ELP2: variants seen among roughly 807,000 people sequenced by gnomAD.
The protein encoded by ELP2 is elongator complex protein 2.
A neutral mutation model predicts 119.2 loss-of-function variants in ELP2; 90 were observed. That is an observed-to-expected ratio of 0.75 (90% CI 0.64 to 0.90). ELP2 has a LOEUF of 0.90. ELP2 is among the 40% of genes least tolerant of loss of function. The probability of loss-of-function intolerance (pLI) is 0.00; values close to 1 mark genes in which losing one functional copy is unlikely to be tolerated. For synonymous variants in ELP2, 339 were observed against 331.0 expected (o/e 1.02, Z -0.26); for missense variants, 921 against 967.8 (o/e 0.95, Z 0.64).
In ELP2 at chr18:36,129,921, A is replaced by G. The variant is rs751384795; in HGVS notation, c.-13A>G. Reference sequence around the variant, plus strand: ...TGCGCGTCTCTTGTTTGTGCGGCTGACCAGTTGGCGACATGGTGGCACCCG... The same window carrying G: ...TGCGCGTCTCTTGTTTGTGCGGCTGGCCAGTTGGCGACATGGTGGCACCCG... On this transcript the variant is annotated 5_prime_UTR_variant, in exon 1 of 22. Coordinates refer to ENST00000358232, the MANE Select transcript of ELP2 (RefSeq NM_018255.4). 83 of 1,614,022 alleles carry G rather than the reference A, an allele frequency of 5.1e-5. No individual in the cohort carries two copies. Among genetic ancestry groups the G allele is most frequent in the Non-Finnish European group, 6.9e-5 (82 of 1,180,036 alleles).
Position 36,177,539 on chromosome 18 carries a change from C to T in ELP2, c.*2898C>T, listed in dbSNP as rs766431188. On this transcript the variant is annotated 3_prime_UTR_variant, in exon 22 of 22. Coordinates refer to ENST00000358232, the MANE Select transcript of ELP2 (RefSeq NM_018255.4). ...GAGTTGTTTAATGGGTATAGTGTTT[C>T]AGTTTTGCAAGATAAAAAGTCCTGT... is the stretch of plus-strand genomic sequence containing the variant. 3 of 152,144 alleles carry T rather than the reference C, an allele frequency of 2.0e-5. No individual in the cohort carries two copies. The highest frequency in any genetic ancestry group is 2.9e-5 in the Non-Finnish European group (2 of 68,046). 9.4% of individuals were successfully genotyped at this position (152,144 alleles called of 1,614,324 possible). A position where few individuals can be genotyped will look rare whatever the true frequency, so the allele number is the denominator to read the frequency against.
In ELP2 at chr18:36,177,032, A is replaced by C. The variant is rs2091239281; in HGVS notation, c.*2391A>C. ...TTACTCATTGCTACGGCAGTTCAAA[A>C]TGACTTGGAAAAAAACAATGAACGC... On this transcript the variant is annotated 3_prime_UTR_variant, in exon 22 of 22. Transcript: ENST00000358232. 1.3e-5 allele frequency: 2 copies of C among 152,302 alleles called. No homozygotes were observed. The highest frequency in any genetic ancestry group is 3.9e-4 in the East Asian group (2 of 5,180). 9.4% of individuals were successfully genotyped at this position (152,302 alleles called of 1,614,324 possible). A position where few individuals can be genotyped will look rare whatever the true frequency, so the allele number is the denominator to read the frequency against.
At position 36,155,104 on chromosome 18, in the gene ELP2, C is replaced by T. The variant is rs1300139518; in HGVS notation, c.1275+105C>T. On this transcript the variant is annotated intron_variant, in intron 12 of 21. Coordinates refer to ENST00000358232, the MANE Select transcript of ELP2 (RefSeq NM_018255.4). ...CTCAGCTCACTGCAGCCTCCGCCACCCAGGTTCAAGCGATTCTCCTGTCTC... is the reference window on the plus strand; with the variant it reads ...CTCAGCTCACTGCAGCCTCCGCCACTCAGGTTCAAGCGATTCTCCTGTCTC... 7 of 957,698 alleles carry T rather than the reference C, an allele frequency of 7.3e-6. No individual in the cohort carries two copies. The Admixed American group carries it at 1.1e-4, about 16-fold the overall frequency. 59.3% of individuals were successfully genotyped at this position (957,698 alleles called of 1,614,324 possible). A position where few individuals can be genotyped will look rare whatever the true frequency, so the allele number is the denominator to read the frequency against.
At chr18:36,134,244 A>G (rs2089747700) in intron 2 of ELP2, among the ~76,000 whole-genome samples, 1 of 152,112 alleles carries the variant, frequency 6.6e-6, no homozygotes, top group East Asian at 1.9e-4. Flanking sequence ...GGTTTGTAAG[A>G]CCTATGAGAT....
At chr18:36,166,282 C>T (rs977848402) in intron 18 of ELP2, among the ~76,000 whole-genome samples, 9 of 150,316 alleles carry the variant, frequency 6.0e-5, no homozygotes, top group Non-Finnish European at 1.3e-4. Context: ...CTCTTATTCC[C>T]TCCTCATAAA....
chr18:36,139,083 T>G (rs922528079), intron 5 of ELP2, among the ~76,000 whole-genome samples: 1 of 152,176 alleles, frequency 6.6e-6, no homozygotes, highest in Non-Finnish European at 1.5e-5. Context: ...TGATAGCCAT[T>G]GATAATTTAA....
intron 18 of ELP2, among the ~76,000 whole-genome samples, chr18:36,166,102 A>T (rs530165167): frequency 1.6e-4 from 25 of 151,972 alleles, no homozygotes; most frequent in Middle Eastern, 3.4e-3. Flanking sequence ...CTGAGACAGG[A>T]GGATTGCATG....
intron 16 of ELP2, 84 bp downstream of exon 16, chr18:36,160,099 CT>C: frequency 1.6e-6 from 2 of 1,278,956 alleles, no homozygotes; most frequent in Admixed American, 1.7e-5. Flanking sequence ...CTGATGTCTC[CT>C]TTTTCTTCCT....
At chr18:36,144,508 T>C (rs1362621305) in intron 8 of ELP2, among the ~76,000 whole-genome samples, 1 of 152,126 alleles carries the variant, frequency 6.6e-6, no homozygotes, top group East Asian at 1.9e-4. Context: ...CAGGTGGGAC[T>C]TAGGGGGATT....
chr18:36,151,330 G>A (rs1020809743), intron 11 of ELP2, among the ~76,000 whole-genome samples: 2 of 151,582 alleles, frequency 1.3e-5, no homozygotes, highest in African/African-American at 4.8e-5. Flanking sequence ...CAGTCTACCC[G>A]CTTCTGCCTC....
rs2090204053 is a variant in ELP2 at position 36,146,401 on chromosome 18, A to G, written c.1125+20A>G. The G allele has an allele frequency of 1.2e-6, 2 of 1,612,838 alleles. No homozygotes were observed. The highest frequency in any genetic ancestry group is 2.2e-5 in the East Asian group (1 of 44,852). ...AACCCAGTAAGAAAAGAGTGTTTAA[A>G]TAAAGCATTTCTAATCAAATAGAGT... On this transcript the variant is annotated intron_variant, in intron 11 of 21. Transcript: ENST00000358232.
intron 20 of ELP2, chr18:36,170,786 G>C (rs2091056071): frequency 1.9e-6 from 1 of 528,922 alleles, no homozygotes; most frequent in African/African-American, 1.9e-5. Flanking sequence ...AGTGGAACAA[G>C]GGTCCCTACA....
chr18:36,138,178 G>C (rs1175157407), intron 3 of ELP2, 92 bp from the exon 4 acceptor site: 10 of 1,369,958 alleles, frequency 7.3e-6, no homozygotes, highest in Non-Finnish European at 1.0e-5. Context: ...CCTATTTCTG[G>C]CTCAGCCATT....
intron 8 of ELP2, among the ~76,000 whole-genome samples, chr18:36,143,504 C>A (rs115168608): frequency 9.4e-4 from 136 of 145,288 alleles, no homozygotes; most frequent in African/African-American, 3.3e-3. Flanking sequence ...CCTTGAACTC[C>A]TTGGCTCAAG....
intron 19 of ELP2, among the ~76,000 whole-genome samples, chr18:36,169,027 C>T (rs1202872461): frequency 2.1e-5 from 3 of 142,426 alleles, no homozygotes; most frequent in African/African-American, 5.3e-5. Flanking sequence ...CAGGTTCAGG[C>T]GATTCTCCTG....
intron 1 of ELP2, 95 bp from the exon 2 acceptor site, chr18:36,133,143 A>T: frequency 1.2e-6 from 1 of 834,678 alleles, no homozygotes; most frequent in Non-Finnish European, 2.0e-6. Flanking sequence ...TGATCTTTTT[A>T]CTAGCATCGA....
chr18:36,156,701 T>C (rs1798405130), intron 13 of ELP2, 47 bp downstream of exon 13: 3 of 1,561,116 alleles, frequency 1.9e-6, no homozygotes, highest in Middle Eastern at 3.7e-4. Context: ...CACTTCATTT[T>C]AAATTTAAAA....
intron 5 of ELP2, chr18:36,139,270 C>T (rs2089938952): frequency 7.1e-6 from 5 of 702,054 alleles, no homozygotes; most frequent in Non-Finnish European, 1.2e-5. Context: ...TCCTTCACAT[C>T]CCGAATAATG....
chr18:36,152,629 T>TG (rs894753497), intron 11 of ELP2, among the ~76,000 whole-genome samples: 33 of 152,310 alleles, frequency 2.2e-4, no homozygotes, highest in Admixed American at 3.3e-4. Context: ...TCCCCATTTT[T>TG]GGGGGTAAAC....
Sources: gnomAD v4.1 joint callset for allele counts (sites outside exome capture counted in the v4.1 genomes callset) on GRCh38, gnomAD v4.1.1 for gene constraint, MANE v1.5 for transcripts, NCBI Gene and HGNC (gene_info 2026-07-23, HGNC 2026-07-21) for gene names.